CARMIL1: variants seen among roughly 807,000 people sequenced by gnomAD.
The protein encoded by CARMIL1 is F-actin-uncapping protein LRRC16A.
A neutral mutation model predicts 177.1 loss-of-function variants in CARMIL1; 90 were observed. The ratio of observed to expected loss-of-function variants is 0.51; its 90% CI spans 0.43 to 0.61. The LOEUF (loss-of-function observed/expected upper bound fraction) is 0.61. Among genes scored for constraint, CARMIL1 ranks in the 20% least tolerant of loss-of-function variants. The pLI is 0.00. For synonymous variants in CARMIL1, 577 were observed against 606.2 expected (o/e 0.95, Z 0.71); for missense variants, 1,380 against 1,667.0 (o/e 0.83, Z 3.00).
intron 2 of CARMIL1, among the ~76,000 whole-genome samples, chr6:25,390,307 TATA>T (rs1792628146): frequency 2.1e-5 from 1 of 47,122 alleles, no homozygotes; most frequent in Non-Finnish European, 5.3e-5. Context: ...TATATATATA[TATA>T]TATATATATA....
chr6:25,333,033 A>G (rs1054381619), intron 2 of CARMIL1, among the ~76,000 whole-genome samples: 2 of 152,110 alleles, frequency 1.3e-5, no homozygotes, highest in African/African-American at 4.8e-5. Context: ...AATGGTTTAC[A>G]CTCAGATGTG....
intron 23 of CARMIL1, among the ~76,000 whole-genome samples, chr6:25,527,061 C>G (rs1054430121): frequency 1.3e-5 from 2 of 152,138 alleles, no homozygotes; most frequent in Non-Finnish European, 2.9e-5. Flanking sequence ...TTGCTTCTTT[C>G]GCTGGTGCTG....
At chr6:25,290,851 T>A (rs1781902054) in intron 2 of CARMIL1, among the ~76,000 whole-genome samples, 1 of 152,192 alleles carries the variant, frequency 6.6e-6, no homozygotes, top group African/African-American at 2.4e-5. Flanking sequence ...AGTGGCACTA[T>A]CACAATCACG....
intron 12 of CARMIL1, among the ~76,000 whole-genome samples, chr6:25,483,977 C>G (rs888331581): frequency 2.0e-5 from 3 of 152,064 alleles, no homozygotes; most frequent in African/African-American, 7.2e-5. Flanking sequence ...TGGCCAGTCT[C>G]GAACTCCTGA....
chr6:25,495,220 G>A lies in CARMIL1; in HGVS notation c.1325+5G>A. 6.4e-7 allele frequency: 1 copy of A among 1,574,636 alleles called. No individual in the cohort carries two copies. Among genetic ancestry groups the A allele is most frequent in the Non-Finnish European group, 8.7e-7 (1 of 1,151,370 alleles). Reference sequence around the variant, plus strand: ...ACTGTCTCCTGAGCCCTTAAAGTGAGTGGTTAATTCACTTTCTCCAGAGCT... The same window carrying A: ...ACTGTCTCCTGAGCCCTTAAAGTGAATGGTTAATTCACTTTCTCCAGAGCT... On this transcript the variant is annotated splice_donor_5th_base_variant and intron_variant, in intron 16 of 36. Coordinates refer to ENST00000329474, the MANE Select transcript of CARMIL1 (RefSeq NM_017640.6).
chr6:25,583,109 T>C (rs1449161408), intron 31 of CARMIL1, among the ~76,000 whole-genome samples: 1 of 152,220 alleles, frequency 6.6e-6, no homozygotes, highest in Non-Finnish European at 1.5e-5. Context: ...AGGAAAGAAA[T>C]GTCCTTATCT....
chr6:25,409,176 C>T (rs1475154727), intron 2 of CARMIL1, among the ~76,000 whole-genome samples: 1 of 152,156 alleles, frequency 6.6e-6, no homozygotes, highest in Non-Finnish European at 1.5e-5. Context: ...CTCCCCCTTG[C>T]TCTGACTCAA....
chr6:25,517,186 A>G (rs1806085889), intron 21 of CARMIL1, among the ~76,000 whole-genome samples, 161 bp from the exon 22 acceptor site: 1 of 152,232 alleles, frequency 6.6e-6, no homozygotes, highest in South Asian at 2.1e-4. Flanking sequence ...GGAAATGCTT[A>G]TCCTTGTTTT....
At chr6:25,529,724 C>T (rs184632043) in intron 24 of CARMIL1, among the ~76,000 whole-genome samples, 1,469 of 41,850 alleles carry the variant, frequency 0.035, 22 homozygotes, top group African/African-American at 0.1. Context: ...GTCCGCAGTC[C>T]GGCCTGGGCG....
intron 2 of CARMIL1, among the ~76,000 whole-genome samples, chr6:25,352,101 C>T (rs937335575): frequency 6.7e-6 from 1 of 149,744 alleles, no homozygotes. Flanking sequence ...TTTAAGAAAA[C>T]GTTTGGCACC....
intron 31 of CARMIL1, among the ~76,000 whole-genome samples, chr6:25,585,189 C>G (rs1582439946): frequency 6.6e-6 from 1 of 152,034 alleles, no homozygotes; most frequent in Non-Finnish European, 1.5e-5. Context: ...CCCTGTGAAG[C>G]TGCCACACAG....
At chr6:25,612,759 C>G (rs1816602094) in intron 36 of CARMIL1, 26 of 985,194 alleles carry the variant, frequency 2.6e-5, no homozygotes, top group Non-Finnish European at 3.0e-5. Context: ...GAGATTATTA[C>G]AAAAGACATT....
intron 2 of CARMIL1, among the ~76,000 whole-genome samples, chr6:25,374,444 C>T (rs1210314832): frequency 6.6e-6 from 1 of 152,140 alleles, no homozygotes; most frequent in Non-Finnish European, 1.5e-5. Context: ...TGTGGCCTAT[C>T]ATATGATGTG....
rs147631652 is a variant in CARMIL1 at position 25,297,677 on chromosome 6, C to T, written c.138+12768C>T. Among the ~76,000 whole-genome samples, 26 of 152,300 alleles carry T rather than the reference C, an allele frequency of 1.7e-4. No individual in the cohort carries two copies. In the East Asian group the frequency reaches 5.0e-3, roughly 29 times the overall value. On this transcript the variant is annotated intron_variant, in intron 2 of 36. Coordinates refer to ENST00000329474, the MANE Select transcript of CARMIL1 (RefSeq NM_017640.6). ...TTGTTCCATTTATGTGTTCTTTCTG[C>T]AGAGATTTAATGAAAGTGGCATCTG...
At position 25,502,172 on chromosome 6, in the gene CARMIL1, A is replaced by G. The variant is rs577673684; in HGVS notation, c.1395+1937A>G. On this transcript the variant is annotated intron_variant, in intron 17 of 36. Transcript: ENST00000329474. The stretch of plus-strand genomic sequence containing the variant: ...CAGCACTTTACTGAGGGGCATGCCA[A>G]TAGTAATTTTATTTTTAATTGGGGG... Among the ~76,000 whole-genome samples, 44 of 151,668 alleles carry G rather than the reference A, an allele frequency of 2.9e-4. No individual in the cohort carries two copies. In the Middle Eastern group the frequency reaches 0.01, roughly 35 times the overall value.
chr6:25,527,323 C>T (rs951783308), intron 23 of CARMIL1, among the ~76,000 whole-genome samples: 31 of 152,228 alleles, frequency 2.0e-4, no homozygotes, highest in African/African-American at 6.0e-4. Context: ...CTATTTCTTC[C>T]TTTTGAACTG....
intron 36 of CARMIL1, among the ~76,000 whole-genome samples, chr6:25,618,696 C>T (rs1186747554): frequency 6.6e-6 from 1 of 152,214 alleles, no homozygotes; most frequent in African/African-American, 2.4e-5. Flanking sequence ...GACAGAGGCT[C>T]TGTTCCAGTA....
intron 5 of CARMIL1, among the ~76,000 whole-genome samples, chr6:25,439,769 T>C (rs762727897): frequency 6.6e-6 from 1 of 152,134 alleles, no homozygotes; most frequent in Non-Finnish European, 1.5e-5. Context: ...GATCAGCTAT[T>C]AAGGGGAACT....
At chr6:25,376,661 C>CA (rs34897370) in intron 2 of CARMIL1, among the ~76,000 whole-genome samples, 133,190 of 152,126 alleles carry the variant, frequency 0.88, 58,656 homozygotes, top group African/African-American at 0.97. Context: ...ATTGGAATTG[C>CA]GAGGTCTCTT....
Sources: allele counts gnomAD v4.1 joint callset (sites outside exome capture counted in the v4.1 genomes callset), GRCh38; gene constraint gnomAD v4.1.1; transcripts MANE v1.5; gene names NCBI Gene and HGNC (gene_info 2026-07-23, HGNC 2026-07-21).